HLCS: variants seen among roughly 807,000 people sequenced by gnomAD.
HLCS encodes the protein holocarboxylase synthetase.
HLCS carries 53 observed loss-of-function variants against 75.0 expected under a neutral mutation model. The observed-to-expected ratio is 0.71, with a 90% confidence interval of 0.57 to 0.89. The LOEUF is 0.89. Ranked by LOEUF, HLCS falls within the 40% of genes least tolerant of loss-of-function variation. The probability of loss-of-function intolerance (pLI) is 0.00; values close to 1 mark genes in which losing one functional copy is unlikely to be tolerated. For synonymous variants in HLCS, 431 were observed against 428.6 expected (o/e 1.01, Z -0.07); for missense variants, 966 against 1,074.0 (o/e 0.90, Z 1.41).
chr21:36,862,180 A>G (rs987147670), intron 6 of HLCS, among the ~76,000 whole-genome samples: 5 of 152,184 alleles, frequency 3.3e-5, no homozygotes, highest in Admixed American at 6.5e-5. Flanking sequence ...CATTTTATTT[A>G]TCCATTCATC....
rs538509783 is a variant in HLCS at position 36,962,104 on chromosome 21, T to C, written c.262A>G (p.Ile88Val). The C allele has an allele frequency of 4.9e-5, 63 of 1,289,204 alleles. No homozygotes were observed. The highest frequency in any genetic ancestry group is 2.7e-4 in the South Asian group (22 of 81,024). The allele number at this position is 1,289,204 out of a possible 1,614,324, so 79.9% of individuals were successfully genotyped here. The change falls in exon 2 of 11, where the codon ATA (isoleucine) becomes GTA (valine). Residue 88 changes from isoleucine (I) to valine (V), a missense_variant. Coordinates refer to ENST00000674895, the MANE Select transcript of HLCS (RefSeq NM_001352514.2). ...CAAATGCTCTCCGTCACAAATGCTA[T>C]GTGTTCTGCTTCAAGTATAAAAGGA... ...VSPFILEAEH[I>V]AFVTESIWVQ...
chr21:36,847,309 C>T (rs915105840), intron 6 of HLCS, among the ~76,000 whole-genome samples: 4 of 152,060 alleles, frequency 2.6e-5, no homozygotes, highest in African/African-American at 9.7e-5. Flanking sequence ...AAACACTGAT[C>T]AATAAATAAG....
At position 36,962,057 on chromosome 21, in the gene HLCS, C is replaced by G. The variant is rs1274110574; in HGVS notation, c.309G>C (p.Gln103His). ...TCACTGTTTCTGAAGAGGATGATCT[C>G]TGTAAATTCTCACTTTGTACCCAAA... ...ESIWVQSENL[Q>H]RSSSSETIVK... is the part of the protein sequence containing the mutation. Residue 103 changes from glutamine to histidine, a missense_variant, in exon 2 of 11, where the codon CAG becomes CAC. Transcript: ENST00000674895. The G allele has an allele frequency of 7.8e-7, 1 of 1,289,312 alleles. No homozygotes were observed. Among genetic ancestry groups the G allele is most frequent in the African/African-American group, 1.5e-5 (1 of 65,748 alleles). 79.9% of individuals were successfully genotyped at this position (1,289,312 alleles called of 1,614,324 possible).
chr21:36,836,476 C>A (rs958041956), intron 6 of HLCS, among the ~76,000 whole-genome samples: 1 of 118,630 alleles, frequency 8.4e-6, no homozygotes, highest in Admixed American at 1.1e-4. Context: ...CCCCACCCCA[C>A]AACAGTCCCC....
intron 5 of HLCS, among the ~76,000 whole-genome samples, chr21:36,913,991 AG>A (rs569117126): frequency 3.2e-4 from 48 of 152,326 alleles, no homozygotes; most frequent in African/African-American, 1.1e-3. Flanking sequence ...AGAACAAGGA[AG>A]GGGTGCCAAA....
chr21:36,852,699 C>G (rs562359742), intron 6 of HLCS, among the ~76,000 whole-genome samples: 104 of 152,294 alleles, frequency 6.8e-4, no homozygotes, highest in Non-Finnish European at 1.2e-3. Context: ...ACATCTGCCT[C>G]TAAAGCCTGA....
chr21:36,918,156 T>C (rs989633109), intron 5 of HLCS, among the ~76,000 whole-genome samples: 4 of 152,222 alleles, frequency 2.6e-5, no homozygotes, highest in Admixed American at 1.3e-4. Flanking sequence ...CTTTCTTACA[T>C]AGCACCCCAT....
At chr21:36,946,430 C>T (rs1165401596) in intron 2 of HLCS, among the ~76,000 whole-genome samples, 3 of 151,694 alleles carry the variant, frequency 2.0e-5, no homozygotes, top group Admixed American at 1.3e-4. Flanking sequence ...TTTGTAGAGA[C>T]GAGAATTCGC....
At chr21:36,950,522 T>A (rs1008119962) in intron 2 of HLCS, among the ~76,000 whole-genome samples, 3 of 151,608 alleles carry the variant, frequency 2.0e-5, no homozygotes, top group African/African-American at 7.3e-5. Context: ...CAGCCTAGAG[T>A]TCAATAGCGC....
intron 6 of HLCS, among the ~76,000 whole-genome samples, chr21:36,893,779 G>A (rs139695579): frequency 1.3e-5 from 2 of 152,274 alleles, no homozygotes; most frequent in African/African-American, 2.4e-5. Flanking sequence ...GCGCCGCCCC[G>A]TTCCTAACAG....
At chr21:36,875,520 C>T (rs2063935034) in intron 6 of HLCS, among the ~76,000 whole-genome samples, 1 of 152,190 alleles carries the variant, frequency 6.6e-6, no homozygotes, top group African/African-American at 2.4e-5. Flanking sequence ...CTCCTCTTCG[C>T]TGAGAGCCAG....
At chr21:36,960,890 T>G (rs777959178) in intron 2 of HLCS, among the ~76,000 whole-genome samples, 8 of 152,164 alleles carry the variant, frequency 5.3e-5, no homozygotes, top group Non-Finnish European at 1.0e-4. Flanking sequence ...CCCAACTGGA[T>G]GTGGGTCCAG....
intron 2 of HLCS, among the ~76,000 whole-genome samples, chr21:36,959,341 C>T (rs535205911): frequency 1.3e-5 from 2 of 152,338 alleles, no homozygotes; most frequent in Non-Finnish European, 2.9e-5. Context: ...CTTTAGGAGC[C>T]ACTCTGGACC....
At chr21:36,969,009 G>A (rs2068714165), upstream of HLCS, among the ~76,000 whole-genome samples, 1 of 152,192 alleles carries the variant, frequency 6.6e-6, no homozygotes, top group Non-Finnish European at 1.5e-5. Context: ...GGTCAATCCT[G>A]TATACCAATT....
At chr21:36,804,661 T>TC (rs1324955009) in intron 6 of HLCS, among the ~76,000 whole-genome samples, 2 of 152,314 alleles carry the variant, frequency 1.3e-5, no homozygotes, top group East Asian at 3.9e-4. Flanking sequence ...TCTCTGACCC[T>TC]CTGTGGTCCT....
At chr21:36,803,089 T>G (rs569536614) in intron 6 of HLCS, among the ~76,000 whole-genome samples, 1 of 152,230 alleles carries the variant, frequency 6.6e-6, no homozygotes, top group African/African-American at 2.4e-5. Flanking sequence ...CTCATTGTCA[T>G]GGTGACAACC....
intron 5 of HLCS, among the ~76,000 whole-genome samples, chr21:36,928,126 C>T (rs1171331230): frequency 6.6e-6 from 1 of 152,176 alleles, no homozygotes; most frequent in African/African-American, 2.4e-5. Flanking sequence ...TCAGCTGCCT[C>T]CGGAAAGACC....
At chr21:36,820,721 T>C (rs2061812967) in intron 6 of HLCS, among the ~76,000 whole-genome samples, 1 of 152,240 alleles carries the variant, frequency 6.6e-6, no homozygotes, top group African/African-American at 2.4e-5. Flanking sequence ...GCACCGTGGA[T>C]GTCAGGTTGA....
At chr21:36,778,792 T>G (rs568824398) in intron 6 of HLCS, among the ~76,000 whole-genome samples, 2 of 152,340 alleles carry the variant, frequency 1.3e-5, no homozygotes, top group Admixed American at 1.3e-4. Context: ...ATTTTGATAC[T>G]CAAATAGCCA....
Sources: allele counts gnomAD v4.1 joint callset (sites outside exome capture counted in the v4.1 genomes callset), GRCh38; gene constraint gnomAD v4.1.1; transcripts MANE v1.5; gene names NCBI Gene and HGNC (gene_info 2026-07-23, HGNC 2026-07-21).